EBF4: variants seen among roughly 807,000 people sequenced by gnomAD.
The protein encoded by EBF4 is EBF transcription factor 4.
EBF4 carries 34 observed loss-of-function variants against 67.1 expected under a neutral mutation model. The observed-to-expected ratio is 0.51, with a 90% CI of 0.39 to 0.67. EBF4 has a LOEUF of 0.67. Among genes scored for constraint, EBF4 ranks in the 30% least tolerant of loss-of-function variants. The probability of loss-of-function intolerance (pLI) is 0.00; values close to 1 mark genes in which losing one functional copy is unlikely to be tolerated. For synonymous variants in EBF4, 387 were observed against 377.7 expected, an observed-to-expected ratio of 1.02 and a Z score of -0.29; for missense variants, 837 against 873.3, an observed-to-expected ratio of 0.96 and a Z score of 0.52.
Position 2,742,090 on chromosome 20 carries a change from G to A in EBF4, c.558-6459G>A, listed in dbSNP as rs376047563. The stretch of plus-strand genomic sequence containing the variant: ...AGCTGCTTTTGAAGGCAGGCTTGCC[G>A]CTGCAGTACCAGCCTGGGTCGGACT... On this transcript the variant is annotated intron_variant, in intron 6 of 16. Transcript: ENST00000609451. 2.3e-4 allele frequency among the ~76,000 whole-genome samples: 35 copies of A among 152,292 alleles called. No individual in the cohort carries two copies. In the South Asian group the frequency reaches 6.8e-3, roughly 30 times the overall value.
intron 1 of EBF4, among the ~76,000 whole-genome samples, chr20:2,702,828 C>T (rs2087395612): frequency 6.6e-6 from 1 of 152,164 alleles, no homozygotes; most frequent in Non-Finnish European, 1.5e-5. Flanking sequence ...CCCCTGCATC[C>T]CTGCAGCAGC....
intron 1 of EBF4, among the ~76,000 whole-genome samples, chr20:2,702,425 C>CT (rs1338464300): frequency 2.1e-5 from 3 of 140,390 alleles, no homozygotes; most frequent in Admixed American, 1.4e-4. Context: ...AAGATCCTGT[C>CT]TCAAAAAAAA....
intron 6 of EBF4, among the ~76,000 whole-genome samples, chr20:2,735,095 A>C (rs563253835): frequency 3.0e-4 from 45 of 152,194 alleles, no homozygotes; most frequent in Non-Finnish European, 4.9e-4. Context: ...TGTAGCTGCA[A>C]TGTTAAGCAA....
intron 6 of EBF4, among the ~76,000 whole-genome samples, chr20:2,721,127 T>A (rs879600189): frequency 6.6e-6 from 1 of 152,092 alleles, no homozygotes; most frequent in African/African-American, 2.4e-5. Context: ...TTCATTCAAT[T>A]TGGAAAGTTT....
chr20:2,737,421 T>C (rs1310828982), intron 6 of EBF4, among the ~76,000 whole-genome samples: 1 of 152,076 alleles, frequency 6.6e-6, no homozygotes, highest in African/African-American at 2.4e-5. Flanking sequence ...GGCTGGGGAC[T>C]CAAGCCAACC....
intron 1 of EBF4, among the ~76,000 whole-genome samples, chr20:2,698,446 C>G (rs1211468720): frequency 1.3e-5 from 2 of 152,096 alleles, no homozygotes; most frequent in Non-Finnish European, 2.9e-5. Flanking sequence ...TGGGCAGGGC[C>G]AGGCCAATAG....
rs137924066 is a variant in EBF4, at chr20:2,709,657, A to AG, written c.557+20dup. On this transcript the variant is annotated intron_variant, in intron 6 of 16. Coordinates refer to ENST00000609451, the Ensembl canonical transcript of EBF4. The stretch of plus-strand genomic sequence containing the variant: ...ATCATTGACAGGTACAGGCTCAGGG[A>AG]GGGGGCCTGGAAGCTCAGAGGAGAG... 2.6e-3 allele frequency: 3,963 copies of AG among 1,527,418 alleles called. 136 individuals carry two copies. In the East Asian group the frequency reaches 0.08, roughly 31 times the overall value. 94.6% of individuals were successfully genotyped at this position (1,527,418 alleles called of 1,614,324 possible).
rs1356202032 is a variant in EBF4 at position 2,759,302 on chromosome 20, G to A, written c.*40G>A. The A allele has an allele frequency of 5.3e-5, 21 of 397,534 alleles. No individual in the cohort carries two copies. The Admixed American group carries it at 7.3e-4, about 14-fold the overall frequency. 24.6% of individuals were successfully genotyped at this position (397,534 alleles called of 1,614,324 possible). Reference sequence around the variant, plus strand: ...TGTTCCCATGGAGCCCGGACTGGAGGTCCCTCTGGGATTCACAGCCACACC... The same window carrying A: ...TGTTCCCATGGAGCCCGGACTGGAGATCCCTCTGGGATTCACAGCCACACC... On this transcript the variant is annotated 3_prime_UTR_variant, in exon 17 of 17. Coordinates refer to ENST00000609451, the Ensembl canonical transcript of EBF4.
chr20:2,758,789 G>T, intron 15 of EBF4, 120 bp from the exon 16 acceptor site: 1 of 858,826 alleles, frequency 1.2e-6, no homozygotes, highest in Non-Finnish European at 1.9e-6. Flanking sequence ...GCTAGGGATG[G>T]CTGACTGCCT....
In EBF4 at chr20:2,726,560, G is replaced by A. The variant is rs562993930; in HGVS notation, c.557+16918G>A. The stretch of plus-strand genomic sequence containing the variant: ...TGTACCACTACACTCTAGCCTAGGT[G>A]AGAAAGAAAGACCCTGTCTCAAAAA... On this transcript the variant is annotated intron_variant, in intron 6 of 16. Transcript: ENST00000609451. Among the ~76,000 whole-genome samples the A allele has an allele frequency of 1.2e-4, 18 of 147,256 alleles. 1 individual carries two copies. The South Asian group carries it at 3.7e-3, about 30-fold the overall frequency.
Position 2,755,839 on chromosome 20 carries a change from C to T in EBF4, c.1738+15C>T. ...GGGGCTTCCAGGTGAGTGATCCACC[C>T]TGCCTCACTGTGGCAGGAAGGAAGG... On this transcript the variant is annotated intron_variant, in intron 15 of 16. Transcript: ENST00000609451. The surrounding 1 kb of genome is among the most constrained non-coding windows in gnomAD (Gnocchi z 4.7). The T allele has an allele frequency of 6.5e-7, 1 of 1,542,430 alleles. No individual in the cohort carries two copies. The highest frequency in any genetic ancestry group is 8.7e-7 in the Non-Finnish European group (1 of 1,145,404).
At chr20:2,737,117 G>A (rs989541424) in intron 6 of EBF4, among the ~76,000 whole-genome samples, 1 of 150,714 alleles carries the variant, frequency 6.6e-6, no homozygotes, top group Non-Finnish European at 1.5e-5. Context: ...GGGCGTGGTG[G>A]CGGGCGCCTG....
At chr20:2,737,004 C>G (rs945593894) in intron 6 of EBF4, among the ~76,000 whole-genome samples, 1 of 151,998 alleles carries the variant, frequency 6.6e-6, no homozygotes, top group Non-Finnish European at 1.5e-5. Context: ...AATCCCAGCA[C>G]TTTGGGAGGC....
chr20:2,706,654 G>C (rs56786183), intron 4 of EBF4, among the ~76,000 whole-genome samples: 3,775 of 152,234 alleles, frequency 0.025, 146 homozygotes, highest in African/African-American at 0.076. Context: ...CTCGAAGCAA[G>C]TACCAGGATT....
intron 10 of EBF4, 128 bp downstream of exon 10, chr20:2,750,101 C>T: frequency 7.3e-7 from 1 of 1,364,586 alleles, no homozygotes; most frequent in Non-Finnish European, 9.6e-7. Flanking sequence ...CCTAGACGGC[C>T]CCGGGCCCCT....
chr20:2,721,880 T>C (rs2087685991), intron 6 of EBF4, among the ~76,000 whole-genome samples: 1 of 152,220 alleles, frequency 6.6e-6, no homozygotes, highest in Non-Finnish European at 1.5e-5. Flanking sequence ...TTCTCTTCCT[T>C]ACAGATCTTT....
intron 6 of EBF4, among the ~76,000 whole-genome samples, chr20:2,727,127 T>C (rs2087756303): frequency 6.6e-6 from 1 of 152,168 alleles, no homozygotes. Context: ...TAAGGCTTAA[T>C]AATATTCCAT....
chr20:2,719,922 G>T (rs112066218), intron 6 of EBF4, among the ~76,000 whole-genome samples: 1,934 of 152,240 alleles, frequency 0.013, 52 homozygotes, highest in African/African-American at 0.043. Context: ...TGATAGTGTT[G>T]TTCAAGTGTT....
At chr20:2,697,294 C>T (rs2087304918) in intron 1 of EBF4, among the ~76,000 whole-genome samples, 1 of 152,008 alleles carries the variant, frequency 6.6e-6, no homozygotes, top group Non-Finnish European at 1.5e-5. Context: ...GCCTGTAATC[C>T]CAGCACTTTG....
Sources: allele counts gnomAD v4.1 joint callset (sites outside exome capture counted in the v4.1 genomes callset), GRCh38; gene constraint gnomAD v4.1.1; non-coding constraint Gnocchi (gnomAD v3.1); transcripts MANE v1.5; gene names NCBI Gene and HGNC (gene_info 2026-07-23, HGNC 2026-07-21).